The following SLIT1 variants were observed in gnomAD, a reference collection of about 807,000 sequenced individuals.
The protein encoded by SLIT1 is slit guidance ligand 1.
SLIT1 carries 66 observed loss-of-function variants against 186.1 expected under a neutral mutation model. That is an observed-to-expected ratio of 0.35 (90% CI 0.29 to 0.44). SLIT1 has a LOEUF of 0.44. Ranked by LOEUF, SLIT1 falls within the 20% of genes least tolerant of loss-of-function variation. The pLI is 1.00. For missense variants in SLIT1, 1,638 were observed against 2,037.4 expected, an observed-to-expected ratio of 0.80 and a Z score of 3.77; for synonymous variants, 761 against 833.8, an observed-to-expected ratio of 0.91 and a Z score of 1.50.
chr10:97,147,160 T>G (rs1193781475), intron 4 of SLIT1, among the ~76,000 whole-genome samples: 1 of 151,978 alleles, frequency 6.6e-6, no homozygotes, highest in African/African-American at 2.4e-5. Flanking sequence ...CTATGTTAAG[T>G]GAAATAAGCC....
At chr10:97,173,602 G>A (rs532203273) in intron 1 of SLIT1, among the ~76,000 whole-genome samples, 2 of 152,102 alleles carry the variant, frequency 1.3e-5, no homozygotes, top group African/African-American at 4.8e-5. Context: ...AGGCTCAAGT[G>A]GGGGTGACGA....
At chr10:97,064,326 T>A in intron 6 of SLIT1, 87 bp from the exon 7 acceptor site, 1 of 1,100,688 alleles carries the variant, frequency 9.1e-7, no homozygotes, top group Non-Finnish European at 1.4e-6. Flanking sequence ...ACAGGGAGGC[T>A]CTCGACCTTA....
At chr10:97,166,557 A>AGGAAGGAAGGAAAGAGAGAGAGAGAGAG (rs1283710320) in intron 1 of SLIT1, among the ~76,000 whole-genome samples, 3 of 55,214 alleles carry the variant, frequency 5.4e-5, no homozygotes, top group Admixed American at 2.4e-4. Flanking sequence ...GAAGGAAGGA[A>AGGAAGGAAGGAAAGAGAGAGAGAGAGAG]AGAGAGAGAG....
chr10:97,027,514 T>C (rs1848556398), intron 25 of SLIT1, among the ~76,000 whole-genome samples: 1 of 152,268 alleles, frequency 6.6e-6, no homozygotes, highest in South Asian at 2.1e-4. Flanking sequence ...TTCACACAGA[T>C]GCTGTTTCGT....
At chr10:97,055,078 G>A (rs942505032) in intron 13 of SLIT1, among the ~76,000 whole-genome samples, 5 of 152,076 alleles carry the variant, frequency 3.3e-5, no homozygotes, top group Admixed American at 6.5e-5. Flanking sequence ...TTAGCCAGGC[G>A]TGGTGACGGG....
In SLIT1 at chr10:97,166,611, GAA is replaced by G. The variant is rs58338938; in HGVS notation, c.198-1723_198-1722del. On this transcript the variant is annotated intron_variant, in intron 1 of 36. Transcript: ENST00000266058. ...AGAAAGAAAGAAAGAAAGAAAGAAA[GAA>G]AGAAAGAAAGAGAAAAGAAAAGAAA... Among the ~76,000 whole-genome samples, 126 of 56,626 alleles carry G rather than the reference GAA, an allele frequency of 2.2e-3. 7 individuals carry two copies. Among genetic ancestry groups the G allele is most frequent in the South Asian group, 3.5e-3 (5 of 1,442 alleles). The allele number at this position is 56,626 out of a possible 152,430, so 37.1% of individuals were successfully genotyped here.
At chr10:97,133,952 AT>A (rs1849678083) in intron 4 of SLIT1, among the ~76,000 whole-genome samples, 2 of 151,882 alleles carry the variant, frequency 1.3e-5, no homozygotes, top group African/African-American at 4.8e-5. Flanking sequence ...TTGCTATTGG[AT>A]TTGGATTGTT....
intron 4 of SLIT1, among the ~76,000 whole-genome samples, chr10:97,112,424 T>C (rs1849473395): frequency 1.3e-5 from 2 of 152,214 alleles, no homozygotes; most frequent in African/African-American, 4.8e-5. Context: ...GAGCATGCTA[T>C]AAATAAATGT....
intron 4 of SLIT1, among the ~76,000 whole-genome samples, chr10:97,149,748 G>A (rs1849855826): frequency 1.3e-5 from 2 of 152,210 alleles, no homozygotes; most frequent in South Asian, 4.2e-4. Context: ...GTGGGCCTGG[G>A]TTCGAATCTC....
chr10:97,164,480 G>A lies in SLIT1; in HGVS notation c.269+339C>T, dbSNP rs535000680. Among the ~76,000 whole-genome samples, 97 of 152,298 alleles carry A rather than the reference G, an allele frequency of 6.4e-4. 1 individual carries two copies. Among genetic ancestry groups the A allele is most frequent in the African/African-American group, 2.2e-3 (91 of 41,562 alleles). On this transcript the variant is annotated intron_variant, in intron 2 of 36. Transcript: ENST00000266058. ...GGTTGGGGGTTTCTGGAGCAGATCC[G>A]TGCCCAGCGGCTTGTCAGCTCTGAC...
At chr10:97,094,582 A>T (rs1275011221) in intron 4 of SLIT1, among the ~76,000 whole-genome samples, 1 of 152,184 alleles carries the variant, frequency 6.6e-6, no homozygotes, top group Non-Finnish European at 1.5e-5. Context: ...AAATGATACA[A>T]TGTCGAGTTT....
intron 10 of SLIT1, among the ~76,000 whole-genome samples, chr10:97,059,756 G>A (rs1848874583): frequency 6.6e-6 from 1 of 152,178 alleles, no homozygotes; most frequent in Non-Finnish European, 1.5e-5. Flanking sequence ...GGGAAGTTAT[G>A]GACAAAGCTT....
At chr10:97,177,746 C>T (rs1031661530) in intron 1 of SLIT1, among the ~76,000 whole-genome samples, 133 of 152,128 alleles carry the variant, frequency 8.7e-4, no homozygotes, top group Non-Finnish European at 7.9e-4. Flanking sequence ...GAGGCTGAGG[C>T]GGGTGGATCA....
intron 20 of SLIT1, 120 bp from the exon 21 acceptor site, chr10:97,040,240 G>T: frequency 9.3e-7 from 1 of 1,078,414 alleles, no homozygotes; most frequent in African/African-American, 1.7e-5. Flanking sequence ...CAGTACCTTG[G>T]CCATCAGTAA....
At chr10:97,040,658 G>C (rs748623769) in intron 20 of SLIT1, among the ~76,000 whole-genome samples, 1 of 152,176 alleles carries the variant, frequency 6.6e-6, no homozygotes, top group Non-Finnish European at 1.5e-5. Context: ...TTGAGGTCTG[G>C]AGACGTTAGG....
Position 97,013,881 on chromosome 10 carries a change from G to A in SLIT1, c.3110-47C>T, listed in dbSNP as rs1301174509. 6 of 1,534,490 alleles carry A rather than the reference G, an allele frequency of 3.9e-6. No individual in the cohort carries two copies. In the African/African-American group the frequency reaches 5.5e-5, roughly 14 times the overall value. On this transcript the variant is annotated intron_variant, in intron 29 of 36. Transcript: ENST00000266058. ...GGCAGGAGAGAAGCTGCTCTCCTGT[G>A]CTCTGCCGGGCAGCCAGACCCACAG...
chr10:97,123,902 A>G (rs1849581946), intron 4 of SLIT1, among the ~76,000 whole-genome samples: 1 of 152,124 alleles, frequency 6.6e-6, no homozygotes, highest in African/African-American at 2.4e-5. Context: ...CAAAGCCACA[A>G]AGCCTCAGCT....
chr10:97,140,011 T>C (rs1206979237), intron 4 of SLIT1, among the ~76,000 whole-genome samples: 1 of 152,152 alleles, frequency 6.6e-6, no homozygotes, highest in South Asian at 2.1e-4. Context: ...GAAGCTCCCC[T>C]CTTCCTCTCT....
At position 97,059,549 on chromosome 10, in the gene SLIT1, G is replaced by A. The variant is rs1848872430; in HGVS notation, c.1014-18C>T. 2 of 1,609,362 alleles carry A rather than the reference G, an allele frequency of 1.2e-6. No homozygotes were observed. Among genetic ancestry groups the A allele is most frequent in the Admixed American group, 3.3e-5 (2 of 60,022 alleles). ...TCAGGTCTCTGCAAGGTGAGCAGAA[G>A]GAGAGGGGGCATCTGAATCCCTCAA... is the stretch of plus-strand genomic sequence containing the variant. On this transcript the variant is annotated intron_variant, in intron 10 of 36. Coordinates refer to ENST00000266058, the MANE Select transcript of SLIT1 (RefSeq NM_003061.3).
Sources: allele counts gnomAD v4.1 joint callset (sites outside exome capture counted in the v4.1 genomes callset), GRCh38; gene constraint gnomAD v4.1.1; transcripts MANE v1.5; gene names NCBI Gene and HGNC (gene_info 2026-07-23, HGNC 2026-07-21).